Variants in CROCC observed in about 807,000 individuals in gnomAD.
The protein encoded by CROCC is ciliary rootlet coiled-coil, rootletin.
In CROCC, 180 loss-of-function variants were observed where a neutral mutation model predicts 245.2. The observed-to-expected ratio is 0.73, with a 90% CI of 0.65 to 0.83. The LOEUF is 0.83. Among genes scored for constraint, CROCC ranks in the 40% least tolerant of loss-of-function variants. The probability of loss-of-function intolerance (pLI) is 0.00; values close to 1 mark genes in which losing one functional copy is unlikely to be tolerated. For synonymous variants in CROCC, 1,205 were observed against 1,241.6 expected, an observed-to-expected ratio of 0.97 and a Z score of 0.62; for missense variants, 2,688 against 2,779.4, an observed-to-expected ratio of 0.97 and a Z score of 0.74.
chr1:16,936,796 G>C lies in CROCC; in HGVS notation c.1116G>C (p.Arg372=). The stretch of plus-strand genomic sequence containing the variant: ...AGGCCCAGCTGGAGGAGCAGCTGCG[G>C]GACAAGGTGCTCCGCGAGAAGGACC... The part of the protein sequence containing the change: ...LLQAQLEEQL[R]DKVLREKDLA... Residue 372 remains arginine (R), a synonymous_variant, in exon 9 of 37, where the codon CGG becomes CGC. Transcript: ENST00000375541. The C allele has an allele frequency of 1.9e-6, 3 of 1,612,028 alleles. No homozygotes were observed. Among genetic ancestry groups the C allele is most frequent in the Non-Finnish European group, 2.5e-6 (3 of 1,179,822 alleles).
At position 16,938,893 on chromosome 1, in the gene CROCC, C is replaced by A. The variant is rs1426659711; in HGVS notation, c.1375-16C>A. 3.7e-6 allele frequency: 6 copies of A among 1,603,602 alleles called. No individual in the cohort carries two copies. In the Admixed American group the frequency reaches 1.1e-4, roughly 28 times the overall value. ...TAACTCAGCAGCCTCCTTCTGCCTC[C>A]CTCCCCCACCCTCAGGCCGTCTTGT... On this transcript the variant is annotated splice_polypyrimidine_tract_variant and intron_variant, in intron 11 of 36. Transcript: ENST00000375541.
At position 16,955,973 on chromosome 1, in the gene CROCC, G is replaced by A. The variant is rs1179858336; in HGVS notation, c.3705-24G>A. The A allele has an allele frequency of 3.9e-6, 6 of 1,549,068 alleles. No homozygotes were observed. The South Asian group carries it at 4.8e-5, about 12-fold the overall frequency. ...CTGACTACTCCCAGGACCCAGGGCA[G>A]CCCCTGACCTCTGCCCTCTCCAGCC... On this transcript the variant is annotated intron_variant, in intron 24 of 36. Coordinates refer to ENST00000375541, the MANE Select transcript of CROCC (RefSeq NM_014675.5).
At position 16,960,904 on chromosome 1, in the gene CROCC, G is replaced by A; in HGVS notation, c.4179G>A (p.Ala1393=). 6.6e-7 allele frequency: 1 copy of A among 1,506,976 alleles called. No homozygotes were observed. 93.4% of individuals were successfully genotyped at this position (1,506,976 alleles called of 1,614,324 possible). A position where few individuals can be genotyped will look rare whatever the true frequency, so the allele number is the denominator to read the frequency against. ...HARGLELKLE[A]ARAEAAELGL... is the part of the protein sequence containing the mutation. ...GCGGCCTGGAGCTGAAGCTGGAGGC[G>A]GCGCGGGCCGAGGCTGCAGAGCTGG... Residue 1393 remains alanine, a synonymous_variant, in exon 27 of 37, where the codon GCG becomes GCA. Transcript: ENST00000375541.
At chr1:16,962,069 TTG>T (rs200256966) in intron 27 of CROCC, among the ~76,000 whole-genome samples, 10,921 of 151,474 alleles carry the variant, frequency 0.072, 568 homozygotes, top group African/African-American at 0.15. Flanking sequence ...ATTATTCTTT[TTG>T]TTTTTTTTTG....
Position 16,939,222 on chromosome 1 carries a change from G to A in CROCC, c.1608+80G>A, listed in dbSNP as rs1431112050. The A allele has an allele frequency of 6.5e-5, 80 of 1,229,500 alleles. 1 individual carries two copies. The South Asian group carries it at 8.4e-4, about 13-fold the overall frequency. The allele number at this position is 1,229,500 out of a possible 1,614,324, so 76.2% of individuals were successfully genotyped here. ...GCGCCCTCCGGGTGGGGGCGGGGGCGGGGGCAGGTCCGGGGCCAGGGTCCG... is the reference window on the plus strand; with the variant it reads ...GCGCCCTCCGGGTGGGGGCGGGGGCAGGGGCAGGTCCGGGGCCAGGGTCCG... On this transcript the variant is annotated intron_variant, in intron 12 of 36. Transcript: ENST00000375541.
intron 3 of CROCC, among the ~76,000 whole-genome samples, chr1:16,928,055 C>G (rs1270153240): frequency 6.6e-6 from 1 of 152,292 alleles, no homozygotes; most frequent in Non-Finnish European, 1.5e-5. Context: ...CTAACCTGGC[C>G]TGGACCCAAG....
chr1:16,960,620 C>A, intron 26 of CROCC, 138 bp from the exon 27 acceptor site: 1 of 1,189,728 alleles, frequency 8.4e-7, no homozygotes, highest in Non-Finnish European at 1.1e-6. Flanking sequence ...GCACCGCCTG[C>A]TTGAGTGGCG....
chr1:16,953,298 C>G lies in CROCC; in HGVS notation c.3007-4C>G. On this transcript the variant is annotated splice_region_variant and splice_polypyrimidine_tract_variant and intron_variant, in intron 20 of 36. Transcript: ENST00000375541. The stretch of plus-strand genomic sequence containing the variant: ...GTCACAGGCATCCGGTCCTGGCCCC[C>G]TAGGAGGCAGCATGGCGGGAGCTGG... The G allele has an allele frequency of 6.3e-7, 1 of 1,577,076 alleles. No individual in the cohort carries two copies. Among genetic ancestry groups the G allele is most frequent in the Non-Finnish European group, 8.6e-7 (1 of 1,163,838 alleles).
At position 16,966,461 on chromosome 1, in the gene CROCC, CAGG is replaced by C. The variant is rs2076419822; in HGVS notation, c.4756_4758del (p.Glu1586del). 5.9e-6 allele frequency: 9 copies of C among 1,536,562 alleles called. No homozygotes were observed. Among genetic ancestry groups the C allele is most frequent in the South Asian group, 1.2e-5 (1 of 83,794 alleles). Reference sequence around the variant, plus strand: ...CGGGGTCCAGGCGGAGCTGGCGCTGCAGGAGGAGAGTGTGCGGCGCAGTGAGCG... The same window carrying C: ...CGGGGTCCAGGCGGAGCTGGCGCTGCAGGAGAGTGTGCGGCGCAGTGAGCG... On this transcript the variant is annotated inframe_deletion, in exon 30 of 37. Transcript: ENST00000375541. This position sits in a 1 kb window ranked among gnomAD's most constrained non-coding sequence, Gnocchi z 4.8.
chr1:16,955,439 C>T lies in CROCC; in HGVS notation c.3593C>T (p.Ala1198Val), dbSNP rs1342805224. 6.3e-7 allele frequency: 1 copy of T among 1,598,228 alleles called. No homozygotes were observed. Among genetic ancestry groups the T allele is most frequent in the South Asian group, 1.1e-5 (1 of 90,108 alleles). The change falls in exon 24 of 37, where the codon GCA becomes GTA. Residue 1198 changes from alanine to valine, a missense_variant. Around this residue, in one of 9 missense-constraint regions of CROCC, gnomAD observed 1,218 missense variants for 1,286.3 expected, o/e 0.95. Transcript: ENST00000375541. ...QEGREVQRQEAGELRRSLGEG... is the reference protein window; with the variant it reads ...QEGREVQRQEVGELRRSLGEG... Reference sequence around the variant, plus strand: ...GGCCGGGAGGTGCAGCGCCAGGAGGCAGGCGAGCTGCGACGCAGCCTGGGC... The same window carrying T: ...GGCCGGGAGGTGCAGCGCCAGGAGGTAGGCGAGCTGCGACGCAGCCTGGGC...
intron 14 of CROCC, 142 bp from the exon 15 acceptor site, chr1:16,945,320 T>C (rs2076020605): frequency 1.8e-5 from 21 of 1,189,696 alleles, no homozygotes; most frequent in Non-Finnish European, 2.4e-5. Flanking sequence ...TAAGCGGTAG[T>C]GGGCTTGGTT....
chr1:16,952,076 G>A (rs1023825387), intron 20 of CROCC: 2 of 151,260 alleles, frequency 1.3e-5, no homozygotes, highest in African/African-American at 4.8e-5. Context: ...TTTTAGTAGA[G>A]ACGGGATTTC....
In CROCC at chr1:16,960,929, G is replaced by C; in HGVS notation, c.4204G>C (p.Gly1402Arg). Residue 1402 changes from glycine (G) to arginine (R), a missense_variant, in exon 27 of 37, where the codon GGC becomes CGC. Transcript: ENST00000375541. ...EAARAEAAELGLRLSAAEGRA... is the reference protein window; with the variant it reads ...EAARAEAAELRLRLSAAEGRA... Reference sequence around the variant, plus strand: ...GGCGCGGGCCGAGGCTGCAGAGCTGGGCCTGCGGCTGAGCGCAGCCGAGGG... The same window carrying C: ...GGCGCGGGCCGAGGCTGCAGAGCTGCGCCTGCGGCTGAGCGCAGCCGAGGG... 6.9e-7 allele frequency: 1 copy of C among 1,459,790 alleles called. No homozygotes were observed. The highest frequency in any genetic ancestry group is 1.3e-5 in the South Asian group (1 of 74,334). 90.4% of individuals were successfully genotyped at this position (1,459,790 alleles called of 1,614,324 possible). A position where few individuals can be genotyped will look rare whatever the true frequency, so the allele number is the denominator to read the frequency against.
chr1:16,955,007 TAGAA>T (rs1216019670), intron 23 of CROCC, 130 bp downstream of exon 23: 21 of 1,214,380 alleles, frequency 1.7e-5, no homozygotes, highest in Non-Finnish European at 2.3e-5. Context: ...AATAGCAACT[TAGAA>T]AGGAGGCAGC....
In CROCC at chr1:16,946,251, C is replaced by T. The variant is rs1389452987; in HGVS notation, c.2137-8C>T. ...CCTTTCCTCATTTCTCGGGGCCTGACCCTGCAGGCTGAGGCTGGCCGCGTG... is the reference window on the plus strand; with the variant it reads ...CCTTTCCTCATTTCTCGGGGCCTGATCCTGCAGGCTGAGGCTGGCCGCGTG... On this transcript the variant is annotated splice_region_variant and splice_polypyrimidine_tract_variant and intron_variant, in intron 15 of 36. Coordinates refer to ENST00000375541, the MANE Select transcript of CROCC (RefSeq NM_014675.5). The T allele has an allele frequency of 6.2e-7, 1 of 1,609,940 alleles. No individual in the cohort carries two copies. Among genetic ancestry groups the T allele is most frequent in the Non-Finnish European group, 8.5e-7 (1 of 1,179,082 alleles).
chr1:16,944,260 G>T lies in CROCC; in HGVS notation c.1969G>T (p.Val657Leu). The T allele has an allele frequency of 6.5e-7, 1 of 1,545,022 alleles. No individual in the cohort carries two copies. Among genetic ancestry groups the T allele is most frequent in the African/African-American group, 1.4e-5 (1 of 73,252 alleles). Residue 657 changes from valine (V) to leucine (L), a missense_variant, in exon 14 of 37, where the codon GTG (valine) becomes TTG (leucine). This residue lies in a region of CROCC where 972 missense variants were observed against 895.3 expected (regional missense o/e 1.09). Transcript: ENST00000375541. ...QEDAVQDGAR[V>L]RRELERSHRQ... ...GGACGCAGTGCAGGATGGCGCGCGG[G>T]TGCGCCGGGAGCTTGAGCGCAGGTG...
At chr1:16,915,853 G>C (rs1325358098) in intron 1 of CROCC, among the ~76,000 whole-genome samples, 1 of 152,250 alleles carries the variant, frequency 6.6e-6, no homozygotes, top group Non-Finnish European at 1.5e-5. Flanking sequence ...AGGCCCAGAG[G>C]TGGGTGCCTG....
At position 16,955,562 on chromosome 1, in the gene CROCC, C is replaced by T. The variant is rs759930716; in HGVS notation, c.3704+12C>T. On this transcript the variant is annotated intron_variant, in intron 24 of 36. Transcript: ENST00000375541. ...AGCGAGCGCATCAGGTGGGGTGTCGCAGGAGGACCAGTCCTGAGTCCTCAT... is the reference window on the plus strand; with the variant it reads ...AGCGAGCGCATCAGGTGGGGTGTCGTAGGAGGACCAGTCCTGAGTCCTCAT... 9 of 1,512,836 alleles carry T rather than the reference C, an allele frequency of 5.9e-6. No homozygotes were observed. Among genetic ancestry groups the T allele is most frequent in the South Asian group, 1.3e-5 (1 of 76,516 alleles). 93.7% of individuals were successfully genotyped at this position (1,512,836 alleles called of 1,614,324 possible).
At chr1:16,969,079 G>T in intron 31 of CROCC, 37 bp from the exon 32 acceptor site, 1 of 1,561,090 alleles carries the variant, frequency 6.4e-7, no homozygotes, top group African/African-American at 1.3e-5. Context: ...AGGCCAGATG[G>T]GAACAGCCCC....
Sources: gnomAD v4.1 joint callset for allele counts (sites outside exome capture counted in the v4.1 genomes callset) on GRCh38, gnomAD v4.1.1 for gene constraint, gnomAD v4.1.1 regional missense constraint, Gnocchi (gnomAD v3.1) non-coding constraint, MANE v1.5 for transcripts, NCBI Gene and HGNC (gene_info 2026-07-23, HGNC 2026-07-21) for gene names.